The following PALS2 variants were observed in gnomAD, a reference collection of about 807,000 sequenced individuals.
PALS2 encodes protein PALS2.
A neutral mutation model predicts 61.6 loss-of-function variants in PALS2; 27 were observed. That is an observed-to-expected ratio of 0.44 (90% confidence interval 0.32 to 0.60). The LOEUF (loss-of-function observed/expected upper bound fraction) is 0.60, where lower values mean the gene tolerates loss of function less well. Among genes scored for constraint, PALS2 ranks in the 20% least tolerant of loss-of-function variants. PALS2 has a pLI of 0.05. For missense variants in PALS2, 554 were observed against 639.4 expected (o/e 0.87, Z 1.44); for synonymous variants, 236 against 218.6 (o/e 1.08, Z -0.70).
rs1401336249 is a variant in PALS2, at chr7:24,687,621, A to G, written c.*7A>G. 1.3e-6 allele frequency: 2 copies of G among 1,592,476 alleles called. No individual in the cohort carries two copies. The highest frequency in any genetic ancestry group is 1.7e-6 in the Non-Finnish European group (2 of 1,173,604). On this transcript the variant is annotated 3_prime_UTR_variant, in exon 12 of 12. Transcript: ENST00000222644. The surrounding 1 kb of genome is among the most constrained non-coding windows in gnomAD (Gnocchi z 4.5). Reference sequence around the variant, plus strand: ...AATCAGCTGGGTTTACTGATGATTCAGTAAGGTTAACAATGAAAATTAAAC... The same window carrying G: ...AATCAGCTGGGTTTACTGATGATTCGGTAAGGTTAACAATGAAAATTAAAC...
At chr7:24,680,569 A>G in intron 11 of PALS2, 49 bp downstream of exon 11, 1 of 1,572,326 alleles carries the variant, frequency 6.4e-7, no homozygotes, top group Non-Finnish European at 8.6e-7. Context: ...TTTTCTTTTG[A>G]GCATGTTTAA....
chr7:24,663,873 A>G (rs1786871385), intron 6 of PALS2, 152 bp downstream of exon 6: 3 of 1,006,408 alleles, frequency 3.0e-6, no homozygotes, highest in East Asian at 5.3e-5. Flanking sequence ...AATTTTGTGG[A>G]CATAAGATCA....
At chr7:24,636,665 T>C (rs1785252987) in intron 2 of PALS2, among the ~76,000 whole-genome samples, 1 of 152,192 alleles carries the variant, frequency 6.6e-6, no homozygotes, top group Non-Finnish European at 1.5e-5. Context: ...TATGTATCAA[T>C]TAGAAATATA....
At chr7:24,633,632 C>T (rs941150839) in intron 2 of PALS2, among the ~76,000 whole-genome samples, 8 of 151,968 alleles carry the variant, frequency 5.3e-5, no homozygotes, top group African/African-American at 1.9e-4. Context: ...TTCTCAGTTT[C>T]AGATTTTGTA....
chr7:24,606,495 C>T (rs1292584129), intron 1 of PALS2, among the ~76,000 whole-genome samples: 1 of 151,992 alleles, frequency 6.6e-6, no homozygotes, highest in East Asian at 1.9e-4. Context: ...ATTAGTTTTT[C>T]ACTGACACTT....
rs557816388 is a variant in PALS2, at chr7:24,627,980, AC to A, written c.117+4197del. Among the ~76,000 whole-genome samples, 48 of 152,280 alleles carry A rather than the reference AC, an allele frequency of 3.2e-4. No individual in the cohort carries two copies. In the East Asian group the frequency reaches 7.5e-3, roughly 24 times the overall value. ...ACCATTCCTTCTGAAACTATTCCAA[AC>A]AACAGAAAAAGAGAGACTCCTCCCT... On this transcript the variant is annotated intron_variant, in intron 2 of 11. Transcript: ENST00000222644.
chr7:24,660,221 T>A (rs776335886), intron 5 of PALS2, among the ~76,000 whole-genome samples: 25 of 151,584 alleles, frequency 1.6e-4, no homozygotes, highest in Non-Finnish European at 2.6e-4. Context: ...AAAATTTTAA[T>A]TTTTATATAG....
chr7:24,641,290 ATATAAT>A (rs903205000), intron 2 of PALS2, among the ~76,000 whole-genome samples: 10 of 152,022 alleles, frequency 6.6e-5, no homozygotes, highest in Admixed American at 5.9e-4. Context: ...AAATATTAAC[ATATAAT>A]TATTACATTC....
At chr7:24,613,842 G>A (rs1364403214) in intron 1 of PALS2, among the ~76,000 whole-genome samples, 1 of 151,818 alleles carries the variant, frequency 6.6e-6, no homozygotes, top group East Asian at 1.9e-4. Flanking sequence ...AACTTGTGAT[G>A]TTTAACTTTC....
chr7:24,672,237 T>C (rs775383877), intron 9 of PALS2, among the ~76,000 whole-genome samples: 3 of 145,868 alleles, frequency 2.1e-5, no homozygotes, highest in Non-Finnish European at 4.5e-5. Context: ...TGTTTTGTTT[T>C]GTTTTGTTGA....
chr7:24,613,559 C>T (rs994756112), intron 1 of PALS2, among the ~76,000 whole-genome samples: 5 of 151,786 alleles, frequency 3.3e-5, no homozygotes, highest in African/African-American at 1.2e-4. Context: ...ATTAGCATAT[C>T]CATTGTCTCA....
intron 2 of PALS2, among the ~76,000 whole-genome samples, chr7:24,636,124 A>G (rs1341747764): frequency 4.0e-5 from 6 of 151,642 alleles, no homozygotes; most frequent in African/African-American, 1.5e-4. Context: ...AGGCAGGAGA[A>G]TCGCTTGAAC....
intron 2 of PALS2, among the ~76,000 whole-genome samples, chr7:24,626,111 G>A (rs989793734): frequency 1.3e-5 from 2 of 152,012 alleles, no homozygotes; most frequent in Admixed American, 1.3e-4. Context: ...TGTACTTTTA[G>A]TAGAAGAAAA....
At chr7:24,630,945 G>A (rs374544032) in intron 2 of PALS2, among the ~76,000 whole-genome samples, 63 of 152,222 alleles carry the variant, frequency 4.1e-4, no homozygotes, top group Non-Finnish European at 7.1e-4. Flanking sequence ...CCAAGAGCTC[G>A]GACAGAAATG....
chr7:24,595,908 G>C (rs1379338079), intron 1 of PALS2, among the ~76,000 whole-genome samples: 1 of 151,650 alleles, frequency 6.6e-6, no homozygotes, highest in Non-Finnish European at 1.5e-5. Flanking sequence ...GGTAAAGATG[G>C]GAAATGAGAG....
intron 1 of PALS2, among the ~76,000 whole-genome samples, chr7:24,584,785 T>G (rs1194104585): frequency 1.3e-5 from 2 of 151,868 alleles, no homozygotes; most frequent in South Asian, 4.2e-4. Context: ...CTGGGGTTTT[T>G]ATAGTTTTAG....
At chr7:24,655,876 A>G (rs17149781) in intron 5 of PALS2, among the ~76,000 whole-genome samples, 12,418 of 151,986 alleles carry the variant, frequency 0.082, 646 homozygotes, top group Admixed American at 0.11. Context: ...TGAGGCTTCA[A>G]TTTGTGGCCC....
At chr7:24,595,517 A>T (rs890484198) in intron 1 of PALS2, among the ~76,000 whole-genome samples, 3 of 89,512 alleles carry the variant, frequency 3.4e-5, no homozygotes, top group South Asian at 4.7e-4. Context: ...ATAATATATA[A>T]TATATATAAT....
Position 24,672,740 on chromosome 7 carries a change from G to A in PALS2, c.1114+4080G>A, listed in dbSNP as rs117219400. On this transcript the variant is annotated intron_variant, in intron 9 of 11. Coordinates refer to ENST00000222644, the MANE Select transcript of PALS2 (RefSeq NM_001303037.2). ...TGTACAGAAATAAACTGATTTTTGT[G>A]TGTTGGCTTTGTCTTTTAGCCTTAT... is the stretch of plus-strand genomic sequence containing the variant. Among the ~76,000 whole-genome samples, 17 of 152,114 alleles carry A rather than the reference G, an allele frequency of 1.1e-4. No individual in the cohort carries two copies. In the East Asian group the frequency reaches 3.3e-3, roughly 29 times the overall value.
Sources: allele counts gnomAD v4.1 joint callset (sites outside exome capture counted in the v4.1 genomes callset), GRCh38; gene constraint gnomAD v4.1.1; non-coding constraint Gnocchi (gnomAD v3.1); transcripts MANE v1.5; gene names NCBI Gene and HGNC (gene_info 2026-07-23, HGNC 2026-07-21).